The following ULK4 variants were observed in gnomAD, a reference collection of about 807,000 sequenced individuals.
ULK4 encodes unc-51 like kinase 4, also known as inactive serine/threonine-protein kinase ULK4.
Under a neutral mutation model 160.6 loss-of-function variants are expected in ULK4, and 133 were observed. The observed-to-expected ratio is 0.83, with a 90% CI of 0.72 to 0.96. The LOEUF (loss-of-function observed/expected upper bound fraction) is 0.96. Ranked by LOEUF, ULK4 falls within the 40% of genes least tolerant of loss-of-function variation. The probability of loss-of-function intolerance (pLI) is 0.00; values close to 1 mark genes in which losing one functional copy is unlikely to be tolerated. For missense variants in ULK4, 1,580 were observed against 1,499.5 expected (o/e 1.05, Z -0.89); for synonymous variants, 534 against 539.8 (o/e 0.99, Z 0.15).
At chr3:41,779,943 A>G (rs1357496630) in intron 21 of ULK4, among the ~76,000 whole-genome samples, 1 of 125,302 alleles carries the variant, frequency 8.0e-6, no homozygotes, top group African/African-American at 3.4e-5. Context: ...TATGTAACTA[A>G]CCTGCACAAT....
intron 19 of ULK4, among the ~76,000 whole-genome samples, chr3:41,801,318 G>A (rs2040453740): frequency 6.6e-6 from 1 of 151,860 alleles, no homozygotes; most frequent in South Asian, 2.1e-4. Context: ...AAAGAAATAA[G>A]ACTTGAAAAA....
At chr3:41,473,678 A>G (rs1247528734) in intron 32 of ULK4, among the ~76,000 whole-genome samples, 1 of 150,842 alleles carries the variant, frequency 6.6e-6, no homozygotes, top group Admixed American at 6.6e-5. Context: ...AAAAAAAAAA[A>G]AAAAAAGAAG....
intron 35 of ULK4, among the ~76,000 whole-genome samples, chr3:41,317,737 T>G (rs1042779411): frequency 3.9e-5 from 6 of 152,156 alleles, no homozygotes; most frequent in Non-Finnish European, 7.4e-5. Flanking sequence ...CTGAACAGAA[T>G]TACAATTTGG....
chr3:41,270,519 T>C (rs1247591438), intron 35 of ULK4, among the ~76,000 whole-genome samples: 1 of 152,192 alleles, frequency 6.6e-6, no homozygotes, highest in Non-Finnish European at 1.5e-5. Context: ...TCTCTGGGTA[T>C]ACAAGCAATA....
chr3:41,486,546 G>A (rs1180226081), intron 32 of ULK4, among the ~76,000 whole-genome samples: 1 of 152,190 alleles, frequency 6.6e-6, no homozygotes, highest in Non-Finnish European at 1.5e-5. Context: ...TGCACTGACT[G>A]GATGTTGTTG....
At chr3:41,799,525 C>T (rs1030350728) in intron 20 of ULK4, among the ~76,000 whole-genome samples, 2 of 152,092 alleles carry the variant, frequency 1.3e-5, no homozygotes, top group African/African-American at 4.8e-5. Context: ...CAAACCAAAC[C>T]CTGTACCCTA....
At chr3:41,475,224 GAAAT>G (rs1309740070) in intron 32 of ULK4, among the ~76,000 whole-genome samples, 1 of 152,208 alleles carries the variant, frequency 6.6e-6, no homozygotes, top group Non-Finnish European at 1.5e-5. Flanking sequence ...TATGCTATGT[GAAAT>G]AAACCAGACA....
chr3:41,773,039 C>G (rs2039457302), intron 21 of ULK4, among the ~76,000 whole-genome samples: 2 of 152,126 alleles, frequency 1.3e-5, no homozygotes, highest in Non-Finnish European at 2.9e-5. Flanking sequence ...GCTAAAAACT[C>G]TCAATAAATT....
intron 25 of ULK4, 45 bp downstream of exon 25, chr3:41,715,191 GA>G (rs750322013): frequency 6.4e-7 from 1 of 1,572,608 alleles, no homozygotes; most frequent in Non-Finnish European, 8.7e-7. Context: ...AACAGTAGAG[GA>G]AGTCACAATT....
intron 29 of ULK4, among the ~76,000 whole-genome samples, chr3:41,664,357 C>T (rs1282801950): frequency 6.6e-6 from 1 of 152,112 alleles, no homozygotes; most frequent in East Asian, 1.9e-4. Context: ...AAAGGGTGCA[C>T]GCGGAGGACT....
chr3:41,779,501 T>C (rs371366695), intron 21 of ULK4, among the ~76,000 whole-genome samples: 17 of 17,498 alleles, frequency 9.7e-4, no homozygotes, highest in African/African-American at 1.1e-3. Flanking sequence ...ACCCAAAGGA[T>C]TATAAATCAT....
chr3:41,701,939 T>C (rs769508625), intron 27 of ULK4, among the ~76,000 whole-genome samples: 6 of 151,848 alleles, frequency 4.0e-5, no homozygotes, highest in Admixed American at 2.0e-4. Flanking sequence ...CAACCTTATA[T>C]AGGGAAAAAA....
chr3:41,766,260 T>C (rs1466739629), intron 21 of ULK4, among the ~76,000 whole-genome samples: 1 of 152,106 alleles, frequency 6.6e-6, no homozygotes. Flanking sequence ...AGAGCAAGAC[T>C]CTGTCTCAAA....
intron 30 of ULK4, among the ~76,000 whole-genome samples, chr3:41,617,136 G>T (rs2125684894): frequency 6.6e-6 from 1 of 152,318 alleles, no homozygotes; most frequent in East Asian, 1.9e-4. Flanking sequence ...ATCTCCCTGG[G>T]ACAGACCACC....
At chr3:41,940,763 T>C (rs1047165688) in intron 2 of ULK4, among the ~76,000 whole-genome samples, 21 of 152,208 alleles carry the variant, frequency 1.4e-4, no homozygotes, top group East Asian at 3.9e-4. Flanking sequence ...ATTCACCCTA[T>C]TGCAAAAGGA....
intron 17 of ULK4, among the ~76,000 whole-genome samples, chr3:41,877,743 A>G (rs569167906): frequency 2.0e-5 from 3 of 152,166 alleles, no homozygotes; most frequent in Admixed American, 2.0e-4. Flanking sequence ...GAACTTTGGG[A>G]GGCCAAGGTG....
chr3:41,664,330 C>T (rs1461376457), intron 29 of ULK4, among the ~76,000 whole-genome samples: 1 of 152,112 alleles, frequency 6.6e-6, no homozygotes, highest in Non-Finnish European at 1.5e-5. Context: ...AGTAAAGCCA[C>T]CTCTGAATCA....
At chr3:41,472,500 TGGA>T (rs201314847) in intron 32 of ULK4, among the ~76,000 whole-genome samples, 1,652 of 147,200 alleles carry the variant, frequency 0.011, 14 homozygotes, top group African/African-American at 0.027. Flanking sequence ...GCCCAGGAGG[TGGA>T]GGTTGCGGTG....
intron 21 of ULK4, among the ~76,000 whole-genome samples, chr3:41,779,985 T>TAA (rs777587812): frequency 0.045 from 2,697 of 59,300 alleles, 137 homozygotes; most frequent in East Asian, 0.17. Context: ...TAGAGTATAA[T>TAA]AAAAAAAAAA....
Sources: gnomAD v4.1 joint callset for allele counts (sites outside exome capture counted in the v4.1 genomes callset) on GRCh38, gnomAD v4.1.1 for gene constraint, MANE v1.5 for transcripts, NCBI Gene and HGNC (gene_info 2026-07-23, HGNC 2026-07-21) for gene names.